The following UACA variants were observed in gnomAD, a reference collection of about 807,000 sequenced individuals.
UACA encodes uveal autoantigen with coiled-coil domains and ankyrin repeats.
UACA carries 112 observed loss-of-function variants against 160.5 expected under a neutral mutation model. The observed-to-expected ratio is 0.70, with a 90% CI of 0.60 to 0.82. The LOEUF is 0.82. UACA is among the 40% of genes least tolerant of loss of function. UACA has a pLI of 0.00. For synonymous variants in UACA, 557 were observed against 568.4 expected (o/e 0.98, Z 0.29); for missense variants, 1,574 against 1,614.6 (o/e 0.97, Z 0.43).
chr15:70,755,662 C>A (rs2030377796), intron 1 of UACA, among the ~76,000 whole-genome samples: 1 of 147,148 alleles, frequency 6.8e-6, no homozygotes, highest in Non-Finnish European at 1.5e-5. Context: ...AAGAGGGAGA[C>A]TTATTCTCAA....
rs1215364258 is a variant in UACA, at chr15:70,667,906, T to G, written c.2778A>C (p.Ala926=). 13 of 1,613,958 alleles carry G rather than the reference T, an allele frequency of 8.1e-6. No individual in the cohort carries two copies. Among genetic ancestry groups the G allele is most frequent in the Non-Finnish European group, 1.1e-5 (13 of 1,180,008 alleles). The change falls in exon 16 of 19, where the codon GCA becomes GCC. Residue 926 remains alanine, a synonymous_variant. Coordinates refer to ENST00000322954, the MANE Select transcript of UACA (RefSeq NM_018003.4). ...GCGAGCTCATCTTTGCCTCGTGCTC[T>G]GCCAGGCTGATGTACTCAGCTTTTA... ...NQIKAEYISL[A]EHEAKMSSLS...
chr15:70,670,216 A>G lies in UACA; in HGVS notation c.1222-754T>C, dbSNP rs1337479503. 2.6e-5 allele frequency among the ~76,000 whole-genome samples: 4 copies of G among 152,196 alleles called. No individual in the cohort carries two copies. The East Asian group carries it at 7.7e-4, about 29-fold the overall frequency. On this transcript the variant is annotated intron_variant, in intron 15 of 18. Transcript: ENST00000322954. ...AAATGGTGGATGTATGACCTTCTTC[A>G]GGGAGCATTTGACTGGTAAAGGAAA...
chr15:70,747,780 C>T (rs1446445457), intron 1 of UACA, among the ~76,000 whole-genome samples: 2 of 152,006 alleles, frequency 1.3e-5, no homozygotes, highest in Non-Finnish European at 2.9e-5. Context: ...AATATCTCTA[C>T]TTAAATAGTA....
At chr15:70,776,078 A>T in the UACA span, among the ~76,000 whole-genome samples, 2 of 152,304 alleles carry the variant, frequency 1.3e-5, no homozygotes, top group South Asian at 2.1e-4. Flanking sequence ...ACAGATTTTT[A>T]AAAATATCAG....
chr15:70,742,666 T>A (rs183188826), intron 1 of UACA, among the ~76,000 whole-genome samples: 62 of 152,354 alleles, frequency 4.1e-4, no homozygotes, highest in Non-Finnish European at 8.1e-4. Flanking sequence ...CATAACTCCA[T>A]AACTATGATC....
rs774221009 is a variant in UACA, at chr15:70,671,982, C to A, written c.1151G>T (p.Gly384Val). Residue 384 changes from glycine to valine, a missense_variant, in exon 14 of 19, where the codon GGA becomes GTA. Coordinates refer to ENST00000322954, the MANE Select transcript of UACA (RefSeq NM_018003.4). ...ATACTTACGGTTACTGAAATGACTTCCTGATCCTAAATGATCACTCTGAAA... is the reference window on the plus strand; with the variant it reads ...ATACTTACGGTTACTGAAATGACTTACTGATCCTAAATGATCACTCTGAAA... Reference protein sequence around the residue: ...KYFESDHLGSGSHFSNRKEDM... With the variant: ...KYFESDHLGSVSHFSNRKEDM... 2.5e-6 allele frequency: 4 copies of A among 1,595,286 alleles called. No individual in the cohort carries two copies. The highest frequency in any genetic ancestry group is 2.6e-6 in the Non-Finnish European group (3 of 1,171,010).
intron 1 of UACA, among the ~76,000 whole-genome samples, chr15:70,745,185 A>G (rs1370371788): frequency 1.3e-5 from 2 of 152,128 alleles, no homozygotes; most frequent in African/African-American, 4.8e-5. Context: ...TAATCCCAGC[A>G]CTTTGGGATG....
chr15:70,691,371 T>G lies in UACA; in HGVS notation c.302-8A>C. On this transcript the variant is annotated splice_polypyrimidine_tract_variant and splice_region_variant and intron_variant, in intron 3 of 18. Coordinates refer to ENST00000322954, the MANE Select transcript of UACA (RefSeq NM_018003.4). ...GGTGAAGAGCATTTCTCCCTATAAA[T>G]AATTTAAGATACATGTGAAGGATTA... 6.3e-7 allele frequency: 1 copy of G among 1,588,386 alleles called. No homozygotes were observed. The highest frequency in any genetic ancestry group is 8.6e-7 in the Non-Finnish European group (1 of 1,161,220).
chr15:70,656,833 G>T lies in UACA; in HGVS notation c.*223C>A. The T allele has an allele frequency of 2.3e-6, 1 of 427,658 alleles. No individual in the cohort carries two copies. The highest frequency in any genetic ancestry group is 3.7e-5 in the Admixed American group (1 of 26,772). 26.5% of individuals were successfully genotyped at this position (427,658 alleles called of 1,614,324 possible). A position where few individuals can be genotyped will look rare whatever the true frequency, so the allele number is the denominator to read the frequency against. On this transcript the variant is annotated 3_prime_UTR_variant, in exon 19 of 19. Coordinates refer to ENST00000322954, the MANE Select transcript of UACA (RefSeq NM_018003.4). ...AGTCAATCCAGGGCAAAGTTATGTT[G>T]TTTGCCTATTTGTAAAATTAACACA...
In UACA at chr15:70,655,109, T is replaced by C. The variant is rs1896445306; in HGVS notation, c.*1947A>G. ...TACAAGGATGTTCAAAACAATATTC[T>C]AGAGAAAACTTTATTGATGGTTGAA... On this transcript the variant is annotated 3_prime_UTR_variant, in exon 19 of 19. Transcript: ENST00000322954. 6.6e-6 allele frequency: 1 copy of C among 152,204 alleles called. No homozygotes were observed. Among genetic ancestry groups the C allele is most frequent in the Non-Finnish European group, 1.5e-5 (1 of 68,046 alleles). The allele number at this position is 152,204 out of a possible 1,614,324, so 9.4% of individuals were successfully genotyped here. A position where few individuals can be genotyped will look rare whatever the true frequency, so the allele number is the denominator to read the frequency against.
intron 1 of UACA, among the ~76,000 whole-genome samples, chr15:70,737,577 G>A (rs1019274760): frequency 5.9e-5 from 9 of 152,152 alleles, no homozygotes; most frequent in Admixed American, 3.3e-4. Flanking sequence ...GCATGGTGAC[G>A]GGCACCTGTA....
At chr15:70,767,250 A>C (rs537475762), upstream of UACA, among the ~76,000 whole-genome samples, 158 of 142,952 alleles carry the variant, frequency 1.1e-3, 3 homozygotes, top group South Asian at 0.022. Context: ...AAAAAAAAAA[A>C]AAAAAACAAA....
At chr15:70,691,763 G>A (rs762484848) in intron 3 of UACA, among the ~76,000 whole-genome samples, 1 of 152,132 alleles carries the variant, frequency 6.6e-6, no homozygotes, top group Non-Finnish European at 1.5e-5. Flanking sequence ...ATCCAAATAG[G>A]CAGTGTGGAC....
intron 18 of UACA, 147 bp from the exon 19 acceptor site, chr15:70,657,274 G>A (rs973923750): frequency 2.9e-6 from 2 of 686,834 alleles, no homozygotes; most frequent in African/African-American, 3.6e-5. Context: ...AGGAATTACT[G>A]GAAAAGGGAG....
chr15:70,768,705 T>C, the UACA span, among the ~76,000 whole-genome samples: 1 of 152,210 alleles, frequency 6.6e-6, no homozygotes, highest in Admixed American at 6.5e-5. Context: ...TCCTGGACCT[T>C]GGAGTTTTCT....
At chr15:70,702,065 C>A in intron 1 of UACA, 1 of 1,371,106 alleles carries the variant, frequency 7.3e-7, no homozygotes, top group Non-Finnish European at 9.4e-7. Context: ...GGATCTCTAA[C>A]GATATTTTCT....
chr15:70,691,453 A>G, intron 3 of UACA, 90 bp from the exon 4 acceptor site: 1 of 917,290 alleles, frequency 1.1e-6, no homozygotes, highest in Non-Finnish European at 1.7e-6. Context: ...TTTTCCCAAA[A>G]CTAGTTGACA....
At chr15:70,728,126 A>G (rs78593687) in intron 1 of UACA, among the ~76,000 whole-genome samples, 2,085 of 152,332 alleles carry the variant, frequency 0.014, 41 homozygotes, top group African/African-American at 0.046. Flanking sequence ...AGCAACAGGG[A>G]AAGGACTTCC....
intron 1 of UACA, among the ~76,000 whole-genome samples, chr15:70,751,014 T>C (rs763191304): frequency 6.6e-6 from 1 of 152,190 alleles, no homozygotes; most frequent in Non-Finnish European, 1.5e-5. Context: ...CACTTTAATA[T>C]GACTTATTTT....
Sources: allele counts gnomAD v4.1 joint callset (sites outside exome capture counted in the v4.1 genomes callset), GRCh38; gene constraint gnomAD v4.1.1; transcripts MANE v1.5; gene names NCBI Gene and HGNC (gene_info 2026-07-23, HGNC 2026-07-21).